The following TMX1 variants were observed in gnomAD, a reference collection of about 807,000 sequenced individuals.
TMX1 encodes thioredoxin related transmembrane protein 1, also known as thioredoxin-related transmembrane protein 1.
TMX1 carries 25 observed loss-of-function variants against 36.6 expected under a neutral mutation model. That is an observed-to-expected ratio of 0.68 (90% CI 0.50 to 0.95). TMX1 has a LOEUF of 0.95. Ranked by LOEUF, TMX1 falls within the 40% of genes least tolerant of loss-of-function variation. TMX1 has a pLI of 0.00. For synonymous variants in TMX1, 133 were observed against 118.0 expected, an observed-to-expected ratio of 1.13 and a Z score of -0.82; for missense variants, 347 against 339.6, an observed-to-expected ratio of 1.02 and a Z score of -0.17.
intron 1 of TMX1, among the ~76,000 whole-genome samples, chr14:51,241,910 A>T (rs1344518254): frequency 6.6e-6 from 1 of 152,214 alleles, no homozygotes; most frequent in Non-Finnish European, 1.5e-5. Context: ...CCGGTGGATC[A>T]CGAGGTGAGG....
intron 1 of TMX1, among the ~76,000 whole-genome samples, chr14:51,241,485 A>G (rs1329553282): frequency 6.6e-6 from 1 of 152,204 alleles, no homozygotes; most frequent in Non-Finnish European, 1.5e-5. Context: ...TAAATACTTT[A>G]GTTAACCTAT....
Position 51,247,072 on chromosome 14 carries a change from T to G in TMX1, c.315-20T>G, listed in dbSNP as rs1253295614. 1.9e-6 allele frequency: 3 copies of G among 1,595,152 alleles called. No homozygotes were observed. The highest frequency in any genetic ancestry group is 2.6e-6 in the Non-Finnish European group (3 of 1,173,054). ...ATTATTTCTCAGTGCTGGATAATAT[T>G]TAATTCTGATTCTCTTTAGTTGTAA... On this transcript the variant is annotated intron_variant, in intron 3 of 7. Coordinates refer to ENST00000457354, the MANE Select transcript of TMX1 (RefSeq NM_030755.5).
chr14:51,250,733 C>T (rs999470067), intron 7 of TMX1, among the ~76,000 whole-genome samples: 3 of 152,270 alleles, frequency 2.0e-5, no homozygotes, highest in Middle Eastern at 3.4e-3. Context: ...CCTCGTGATC[C>T]GCCAGCCTCG....
At position 51,254,965 on chromosome 14, in the gene TMX1, A is replaced by G. The variant is rs952611269; in HGVS notation, c.*446A>G. 2 of 152,652 alleles carry G rather than the reference A, an allele frequency of 1.3e-5. No homozygotes were observed. The highest frequency in any genetic ancestry group is 4.8e-5 in the African/African-American group (2 of 41,468). 9.5% of individuals were successfully genotyped at this position (152,652 alleles called of 1,614,324 possible). A position where few individuals can be genotyped will look rare whatever the true frequency, so the allele number is the denominator to read the frequency against. On this transcript the variant is annotated 3_prime_UTR_variant, in exon 8 of 8. Coordinates refer to ENST00000457354, the MANE Select transcript of TMX1 (RefSeq NM_030755.5). ...AATGGGAAGTTTGCCCATTGTCTCA[A>G]GAAATGTGTATTTCAGTGACAATTT...
chr14:51,249,620 A>T (rs745685506), intron 6 of TMX1, 51 bp downstream of exon 6: 2 of 1,594,594 alleles, frequency 1.3e-6, no homozygotes, highest in African/African-American at 2.7e-5. Flanking sequence ...TAAAAATGTG[A>T]TTATTTAAAA....
intron 3 of TMX1, 64 bp downstream of exon 3, chr14:51,245,422 G>T: frequency 1.2e-6 from 2 of 1,600,970 alleles, no homozygotes; most frequent in African/African-American, 1.3e-5. Context: ...GAAGTAGTAG[G>T]CCTCTGGCTT....
At chr14:51,246,698 A>T (rs2065787264) in intron 3 of TMX1, among the ~76,000 whole-genome samples, 1 of 152,240 alleles carries the variant, frequency 6.6e-6, no homozygotes, top group African/African-American at 2.4e-5. Flanking sequence ...AAAATGCCTT[A>T]AAATTTTAAG....
chr14:51,250,248 TACCA>T (rs538956481), intron 7 of TMX1, among the ~76,000 whole-genome samples: 435 of 152,354 alleles, frequency 2.9e-3, no homozygotes, highest in African/African-American at 9.9e-3. Context: ...TACAAGCATT[TACCA>T]ATCTTGTAAT....
At chr14:51,254,268 A>G in intron 7 of TMX1, 73 bp from the exon 8 acceptor site, 1 of 1,388,216 alleles carries the variant, frequency 7.2e-7, no homozygotes, top group Non-Finnish European at 9.6e-7. Context: ...CATATGAGAC[A>G]TTGTATCTTG....
At chr14:51,248,956 G>C (rs908490240) in intron 4 of TMX1, among the ~76,000 whole-genome samples, 3 of 152,148 alleles carry the variant, frequency 2.0e-5, no homozygotes, top group South Asian at 2.1e-4. Flanking sequence ...CTTTGGTCTT[G>C]CTTTGAAGGC....
rs2139861913 is a variant in TMX1, at chr14:51,257,413, T to C, written c.*2894T>C. On this transcript the variant is annotated 3_prime_UTR_variant, in exon 8 of 8. Transcript: ENST00000457354. ...TTGTAGTTCATCCCCATGGTCAATT[T>C]AAGGTAGAGTTCTTACAATATATTA... 1 of 152,348 alleles carries C rather than the reference T, an allele frequency of 6.6e-6. No individual in the cohort carries two copies. Among genetic ancestry groups the C allele is most frequent in the Middle Eastern group, 3.4e-3 (1 of 294 alleles). The allele number at this position is 152,348 out of a possible 1,614,324, so 9.4% of individuals were successfully genotyped here.
At chr14:51,251,980 T>C (rs2065816200) in intron 7 of TMX1, among the ~76,000 whole-genome samples, 2 of 152,122 alleles carry the variant, frequency 1.3e-5, no homozygotes, top group African/African-American at 4.8e-5. Context: ...TTTAAAAGAA[T>C]ACTGACTCTG....
intron 1 of TMX1, among the ~76,000 whole-genome samples, chr14:51,243,164 A>C (rs1438951733): frequency 6.6e-6 from 1 of 152,130 alleles, no homozygotes; most frequent in Non-Finnish European, 1.5e-5. Flanking sequence ...TGGAAAAATA[A>C]GATCCTCAGG....
intron 1 of TMX1, among the ~76,000 whole-genome samples, chr14:51,242,517 A>G (rs1459793744): frequency 6.6e-6 from 1 of 152,226 alleles, no homozygotes; most frequent in Non-Finnish European, 1.5e-5. Flanking sequence ...ATTATGCTAT[A>G]GAGTAGTAGT....
chr14:51,249,605 A>C (rs763653774), intron 6 of TMX1, 36 bp downstream of exon 6: 1 of 1,599,126 alleles, frequency 6.3e-7, no homozygotes, highest in Non-Finnish European at 8.5e-7. Context: ...AGGAAGAAAG[A>C]TATTTAAAAA....
At chr14:51,249,880 G>GT (rs750556086) in intron 7 of TMX1, 115 bp downstream of exon 7, 15 of 763,520 alleles carry the variant, frequency 2.0e-5, no homozygotes, top group Non-Finnish European at 3.1e-5. Context: ...ACTGTGGATT[G>GT]TTGGTCTTTA....
rs564281264 is a variant in TMX1, at chr14:51,256,510, A to G, written c.*1991A>G. ...TGGGATTATTTACAAATGGTTTAGGAAAGAATAAGGTATAGTAAAAGTAAT... is the reference window on the plus strand; with the variant it reads ...TGGGATTATTTACAAATGGTTTAGGGAAGAATAAGGTATAGTAAAAGTAAT... On this transcript the variant is annotated 3_prime_UTR_variant, in exon 8 of 8. Transcript: ENST00000457354. 1.4e-4 allele frequency: 22 copies of G among 152,304 alleles called. No individual in the cohort carries two copies. In the South Asian group the frequency reaches 4.6e-3, roughly 32 times the overall value. The allele number at this position is 152,304 out of a possible 1,614,324, so 9.4% of individuals were successfully genotyped here. A position where few individuals can be genotyped will look rare whatever the true frequency, so the allele number is the denominator to read the frequency against.
At chr14:51,243,751 A>G (rs1197600933) in intron 1 of TMX1, 105 bp from the exon 2 acceptor site, 1 of 799,796 alleles carries the variant, frequency 1.3e-6, no homozygotes, top group Non-Finnish European at 1.8e-6. Context: ...CAGTGTTTTC[A>G]TATGAAATAT....
intron 1 of TMX1, among the ~76,000 whole-genome samples, chr14:51,242,807 C>T (rs1596403849): frequency 6.6e-6 from 1 of 151,988 alleles, no homozygotes; most frequent in Non-Finnish European, 1.5e-5. Context: ...AGCAACAAAA[C>T]GAACCTGAAA....
Sources: gnomAD v4.1 joint callset for allele counts (sites outside exome capture counted in the v4.1 genomes callset) on GRCh38, gnomAD v4.1.1 for gene constraint, MANE v1.5 for transcripts, NCBI Gene and HGNC (gene_info 2026-07-23, HGNC 2026-07-21) for gene names.